The following BEND7 variants were observed in gnomAD, a reference collection of about 807,000 sequenced individuals.
The protein encoded by BEND7 is BEN domain containing 7.
BEND7 carries 28 observed loss-of-function variants against 50.9 expected under a neutral mutation model. That is an observed-to-expected ratio of 0.55 (90% CI 0.41 to 0.75). BEND7 has a LOEUF of 0.75. BEND7 is among the 30% of genes least tolerant of loss of function. The pLI is 0.00. For synonymous variants in BEND7, 170 were observed against 183.9 expected (o/e 0.92, Z 0.61); for missense variants, 477 against 491.3 (o/e 0.97, Z 0.28).
chr10:13,460,790 C>A (rs1284650968), intron 6 of BEND7, among the ~76,000 whole-genome samples: 1 of 152,202 alleles, frequency 6.6e-6, no homozygotes. Context: ...TGACACTGTA[C>A]ACAAACTGGG....
At position 13,519,170 on chromosome 10, in the gene BEND7, C is replaced by T. The variant is rs573283678; in HGVS notation, c.145+6968G>A. 3.3e-5 allele frequency among the ~76,000 whole-genome samples: 5 copies of T among 151,352 alleles called. 1 individual carries two copies. In the South Asian group the frequency reaches 6.3e-4, roughly 19 times the overall value. On this transcript the variant is annotated intron_variant, in intron 2 of 8. Transcript: ENST00000466271. ...TGTTATTACTTAGTGCCCAAGTGAT[C>T]GGAAGAATAGATAACTCCTAGGCTG...
chr10:13,477,401 C>T (rs1262266423), intron 6 of BEND7, among the ~76,000 whole-genome samples: 5 of 152,120 alleles, frequency 3.3e-5, no homozygotes, highest in Non-Finnish European at 5.9e-5. Context: ...ATAGCCTTGG[C>T]ACTATTATGT....
At position 13,441,687 on chromosome 10, in the gene BEND7, C is replaced by T. The variant is rs374223781; in HGVS notation, c.*56G>A. ...GTAGCTCCTTGTGGGAGGCAGAGGA[C>T]GGATTTTAAAACCCATGGTGCAAAA... On this transcript the variant is annotated 3_prime_UTR_variant, in exon 9 of 9. Coordinates refer to ENST00000466271, the MANE Select transcript of BEND7 (RefSeq NM_001369863.1). 6.8e-5 allele frequency: 109 copies of T among 1,611,756 alleles called. 1 individual carries two copies. The Middle Eastern group carries it at 8.3e-4, about 12-fold the overall frequency.
At chr10:13,490,721 C>A (rs1230809548) in intron 5 of BEND7, among the ~76,000 whole-genome samples, 1 of 152,242 alleles carries the variant, frequency 6.6e-6, no homozygotes, top group East Asian at 1.9e-4. Flanking sequence ...CACTCTCTCA[C>A]CCCACCCTGC....
chr10:13,476,030 C>G (rs1197614690), intron 6 of BEND7, among the ~76,000 whole-genome samples: 1 of 152,110 alleles, frequency 6.6e-6, no homozygotes, highest in African/African-American at 2.4e-5. Flanking sequence ...ATAAATAAAT[C>G]GATGCAAATT....
chr10:13,439,919 C>A (rs1835123299), downstream of BEND7, among the ~76,000 whole-genome samples: 1 of 152,252 alleles, frequency 6.6e-6, no homozygotes, highest in Non-Finnish European at 1.5e-5. Context: ...CGCCTCCCCT[C>A]TCGCCCGTCT....
intron 2 of BEND7, among the ~76,000 whole-genome samples, chr10:13,513,747 G>C (rs1306164471): frequency 6.6e-6 from 1 of 152,120 alleles, no homozygotes; most frequent in Admixed American, 6.5e-5. Flanking sequence ...ATTACACTGC[G>C]GACCTCCATG....
chr10:13,518,949 G>A lies in BEND7; in HGVS notation c.145+7189C>T, dbSNP rs11258433. Among the ~76,000 whole-genome samples the A allele has an allele frequency of 5.8e-3, 882 of 152,248 alleles. 3 individuals are homozygous for A. Among genetic ancestry groups the A allele is most frequent in the Non-Finnish European group, 9.9e-3 (670 of 68,016 alleles). ...TCTCAAAGGATCCAAAATGAACTCA[G>A]GTCACATTTGCCCTCTAGGATCTGA... On this transcript the variant is annotated intron_variant, in intron 2 of 8. Transcript: ENST00000466271.
At chr10:13,512,579 T>C (rs560093070) in intron 2 of BEND7, among the ~76,000 whole-genome samples, 104 of 152,230 alleles carry the variant, frequency 6.8e-4, no homozygotes, top group Non-Finnish European at 1.3e-3. Flanking sequence ...TGCTCTCCTG[T>C]ACAGAAAACT....
At chr10:13,466,897 G>A (rs537005336) in intron 6 of BEND7, among the ~76,000 whole-genome samples, 6 of 152,246 alleles carry the variant, frequency 3.9e-5, no homozygotes, top group South Asian at 4.2e-4. Flanking sequence ...TGGAATGAAC[G>A]CCTCCAGTGC....
intron 2 of BEND7, among the ~76,000 whole-genome samples, chr10:13,505,335 C>G (rs1051377629): frequency 2.0e-5 from 3 of 152,220 alleles, no homozygotes; most frequent in Admixed American, 2.0e-4. Context: ...CAGTAACTCC[C>G]TCTCAGTCGC....
At chr10:13,451,779 G>T (rs1197185774) in intron 7 of BEND7, among the ~76,000 whole-genome samples, 1 of 104,178 alleles carries the variant, frequency 9.6e-6, no homozygotes, top group Non-Finnish European at 1.8e-5. Flanking sequence ...CCCACAACAG[G>T]CCCCGGTGTG....
At chr10:13,518,648 T>C (rs945942382) in intron 2 of BEND7, among the ~76,000 whole-genome samples, 3 of 152,220 alleles carry the variant, frequency 2.0e-5, no homozygotes, top group African/African-American at 7.2e-5. Context: ...AGTTCTCCTT[T>C]TCGGTGTCTT....
At chr10:13,521,048 G>C (rs1564419402) in intron 2 of BEND7, among the ~76,000 whole-genome samples, 2 of 152,164 alleles carry the variant, frequency 1.3e-5, no homozygotes, top group Non-Finnish European at 2.9e-5. Flanking sequence ...CTTGGGAACT[G>C]TCTAGACCAG....
intron 8 of BEND7, chr10:13,442,213 A>G (rs114272746): frequency 6.4e-6 from 1 of 156,658 alleles, no homozygotes; most frequent in African/African-American, 2.4e-5. Flanking sequence ...TAGCCTCTAC[A>G]ATAACTTTTA....
chr10:13,497,115 G>A (rs1214900170), intron 3 of BEND7, among the ~76,000 whole-genome samples: 5 of 152,218 alleles, frequency 3.3e-5, no homozygotes, highest in Non-Finnish European at 7.3e-5. Flanking sequence ...CGTGCGTGCT[G>A]TGGCGCGGTG....
chr10:13,460,292 T>C (rs908045534), intron 6 of BEND7, among the ~76,000 whole-genome samples: 1 of 152,126 alleles, frequency 6.6e-6, no homozygotes, highest in Non-Finnish European at 1.5e-5. Context: ...GTCCAGGCCT[T>C]ACAGCAGCCC....
At chr10:13,529,165 C>T (rs932547283), upstream of BEND7, among the ~76,000 whole-genome samples, 33 of 144,732 alleles carry the variant, frequency 2.3e-4, no homozygotes, top group Admixed American at 2.2e-3. Context: ...CGCGCGGCGC[C>T]CCGAGGAGGC....
At chr10:13,502,840 C>T (rs910990589) in intron 2 of BEND7, 4 of 939,042 alleles carry the variant, frequency 4.3e-6, no homozygotes, top group Non-Finnish European at 5.1e-6. Context: ...CATAGCCAGG[C>T]CACATGGGGC....
Sources: gnomAD v4.1 joint callset for allele counts (sites outside exome capture counted in the v4.1 genomes callset) on GRCh38, gnomAD v4.1.1 for gene constraint, MANE v1.5 for transcripts, NCBI Gene and HGNC (gene_info 2026-07-23, HGNC 2026-07-21) for gene names.